Variants in SEPSECS observed in about 807,000 individuals in gnomAD.
The protein encoded by SEPSECS is O-phosphoseryl-tRNA(Sec) selenium transferase.
In SEPSECS, 42 loss-of-function variants were observed where a neutral mutation model predicts 52.1. That is an observed-to-expected ratio of 0.81 (90% CI 0.63 to 1.04). The LOEUF (loss-of-function observed/expected upper bound fraction) is 1.04. Ranked by LOEUF, SEPSECS falls within the 50% of genes least tolerant of loss-of-function variation. The pLI is 0.00. For synonymous variants in SEPSECS, 216 were observed against 211.4 expected (o/e 1.02, Z -0.19); for missense variants, 590 against 610.6 (o/e 0.97, Z 0.36).
rs1370791155 is a variant in SEPSECS, at chr4:25,121,622, A to AC, written c.*2308dup. ...TGGGGACAAAGGAAAGCCTGAATAG[A>AC]CAGAACTCTTCAAAAACTCTTGTGA... On this transcript the variant is annotated 3_prime_UTR_variant, in exon 11 of 11. Coordinates refer to ENST00000382103, the MANE Select transcript of SEPSECS (RefSeq NM_016955.4). The AC allele has an allele frequency of 6.6e-6, 1 of 152,188 alleles. No individual in the cohort carries two copies. Among genetic ancestry groups the AC allele is most frequent in the African/African-American group, 2.4e-5 (1 of 41,464 alleles). 9.4% of individuals were successfully genotyped at this position (152,188 alleles called of 1,614,324 possible).
At chr4:25,127,676 A>G (rs927579942) in intron 8 of SEPSECS, among the ~76,000 whole-genome samples, 13 of 152,128 alleles carry the variant, frequency 8.5e-5, no homozygotes, top group African/African-American at 2.9e-4. Context: ...CCCTGGACAC[A>G]GCAATAGATC....
chr4:25,139,260 C>T (rs1455117459), intron 8 of SEPSECS, among the ~76,000 whole-genome samples: 1 of 151,962 alleles, frequency 6.6e-6, no homozygotes, highest in Non-Finnish European at 1.5e-5. Flanking sequence ...TTAGGGCCTA[C>T]ACATAAATAT....
intron 6 of SEPSECS, among the ~76,000 whole-genome samples, chr4:25,147,716 A>G (rs1216114478): frequency 6.6e-6 from 1 of 152,200 alleles, no homozygotes; most frequent in Non-Finnish European, 1.5e-5. Context: ...AGAATACTCT[A>G]TATGCTCAGC....
At chr4:25,152,143 T>A in intron 5 of SEPSECS, 81 bp from the exon 6 acceptor site, 1 of 856,916 alleles carries the variant, frequency 1.2e-6, no homozygotes, top group Non-Finnish European at 2.0e-6. Flanking sequence ...TTTAAAAATT[T>A]AATAGTTATC....
intron 1 of SEPSECS, 28 bp from the exon 2 acceptor site, chr4:25,159,135 A>G (rs1712885752): frequency 6.7e-7 from 1 of 1,503,448 alleles, no homozygotes; most frequent in Admixed American, 2.2e-5. Flanking sequence ...ACTTATGATT[A>G]TATTTAATAA....
At chr4:25,151,848 G>A (rs1405432780) in intron 6 of SEPSECS, 112 bp downstream of exon 6, 1 of 706,392 alleles carries the variant, frequency 1.4e-6, no homozygotes, top group African/African-American at 1.8e-5. Context: ...ACCTGAAGCA[G>A]ATGGTCATAA....
In SEPSECS at chr4:25,147,523, C is replaced by T. The variant is rs139617807; in HGVS notation, c.805-2390G>A. 3.7e-3 allele frequency among the ~76,000 whole-genome samples: 556 copies of T among 152,300 alleles called. 6 individuals are homozygous for T. The highest frequency in any genetic ancestry group is 0.013 in the African/African-American group (526 of 41,562). ...CCCACACTTTTGGAACTTTACAATC[C>T]ATTGTGACTCAAAATAATCAGTCTT... On this transcript the variant is annotated intron_variant, in intron 6 of 10. Coordinates refer to ENST00000382103, the MANE Select transcript of SEPSECS (RefSeq NM_016955.4).
chr4:25,137,599 C>A (rs537190606), intron 8 of SEPSECS, among the ~76,000 whole-genome samples: 1 of 152,262 alleles, frequency 6.6e-6, no homozygotes, highest in African/African-American at 2.4e-5. Flanking sequence ...GAAATAGGAA[C>A]ACTTTTACAC....
intron 5 of SEPSECS, among the ~76,000 whole-genome samples, chr4:25,153,929 G>A (rs1338706974): frequency 6.6e-6 from 1 of 152,006 alleles, no homozygotes; most frequent in South Asian, 2.1e-4. Flanking sequence ...AAAATGAAAC[G>A]AAAGCAAAGT....
At chr4:25,145,243 A>G (rs1457955416) in intron 6 of SEPSECS, 110 bp from the exon 7 acceptor site, 4 of 1,130,074 alleles carry the variant, frequency 3.5e-6, no homozygotes, top group Admixed American at 1.9e-5. Flanking sequence ...TTAATATATT[A>G]GCCTGATTTA....
At chr4:25,149,084 A>C (rs1712155478) in intron 6 of SEPSECS, among the ~76,000 whole-genome samples, 1 of 151,610 alleles carries the variant, frequency 6.6e-6, no homozygotes, top group South Asian at 2.1e-4. Flanking sequence ...TTTTTGGCGG[A>C]GTCTCGCTCT....
In SEPSECS at chr4:25,156,214, A is replaced by T. The variant is rs775306358; in HGVS notation, c.389-19T>A. Reference sequence around the variant, plus strand: ...TGGACACCTACAAATAAGAAGCAAAACAGAAATCTGTTATCCCGCTAAGCA... The same window carrying T: ...TGGACACCTACAAATAAGAAGCAAATCAGAAATCTGTTATCCCGCTAAGCA... On this transcript the variant is annotated intron_variant, in intron 3 of 10. Transcript: ENST00000382103. 4.3e-6 allele frequency: 7 copies of T among 1,612,388 alleles called. No homozygotes were observed. Among genetic ancestry groups the T allele is most frequent in the Admixed American group, 3.3e-5 (2 of 60,028 alleles).
At chr4:25,142,488 T>C (rs967527722) in intron 8 of SEPSECS, among the ~76,000 whole-genome samples, 2 of 152,242 alleles carry the variant, frequency 1.3e-5, no homozygotes, top group East Asian at 1.9e-4. Context: ...CAAGAGCAAG[T>C]ATCTTTATCT....
chr4:25,156,682 T>C (rs527483871), intron 3 of SEPSECS, among the ~76,000 whole-genome samples, 174 bp downstream of exon 3: 46 of 111,246 alleles, frequency 4.1e-4, no homozygotes, highest in African/African-American at 1.6e-3. Flanking sequence ...CATTCCAGCC[T>C]GGGCAACAGA....
At chr4:25,160,217 G>C in intron 1 of SEPSECS, 39 bp downstream of exon 1, 1 of 1,547,884 alleles carries the variant, frequency 6.5e-7, no homozygotes, top group East Asian at 2.4e-5. Context: ...CAGAGCCCCG[G>C]GGTCGCGGCG....
At chr4:25,142,244 T>C (rs925912625) in intron 8 of SEPSECS, among the ~76,000 whole-genome samples, 1 of 152,116 alleles carries the variant, frequency 6.6e-6, no homozygotes, top group Admixed American at 6.5e-5. Context: ...GCCACTGCAC[T>C]GCAGCCTGGG....
At chr4:25,153,225 A>C (rs1027558814) in intron 5 of SEPSECS, among the ~76,000 whole-genome samples, 2 of 152,078 alleles carry the variant, frequency 1.3e-5, no homozygotes, top group Non-Finnish European at 2.9e-5. Context: ...GTTTTTAACA[A>C]AATAGACCTC....
chr4:25,159,089 C>T lies in SEPSECS; in HGVS notation c.133G>A (p.Gly45Ser), dbSNP rs1445299367. The T allele has an allele frequency of 1.9e-6, 3 of 1,609,200 alleles. No individual in the cohort carries two copies. Among genetic ancestry groups the T allele is most frequent in the Non-Finnish European group, 2.5e-6 (3 of 1,177,708 alleles). Residue 45 changes from glycine (G) to serine (S), a missense_variant, in exon 2 of 11, where the codon GGC becomes AGC. Transcript: ENST00000382103. ...AGTTCAAGTGTACTTTCATCCCAGC[C>T]ATTCTCTGGACACTTGCCCTTAAAA... Reference protein sequence around the residue: ...LLEKGKCPENGWDESTLELFL... With the variant: ...LLEKGKCPENSWDESTLELFL...
At chr4:25,160,215 CG>C in intron 1 of SEPSECS, 40 bp downstream of exon 1, 1 of 1,547,622 alleles carries the variant, frequency 6.5e-7, no homozygotes, top group Non-Finnish European at 8.7e-7. Context: ...GCCAGAGCCC[CG>C]GGGTCGCGGC....
Sources: gnomAD v4.1 joint callset for allele counts (sites outside exome capture counted in the v4.1 genomes callset) on GRCh38, gnomAD v4.1.1 for gene constraint, MANE v1.5 for transcripts, NCBI Gene and HGNC (gene_info 2026-07-23, HGNC 2026-07-21) for gene names.